Variants in GALNT18 observed in about 807,000 individuals in gnomAD.
The protein encoded by GALNT18 is polypeptide N-acetylgalactosaminyltransferase 18.
GALNT18 carries 44 observed loss-of-function variants against 69.5 expected under a neutral mutation model. The observed-to-expected ratio is 0.63, with a 90% CI of 0.50 to 0.81. GALNT18 has a LOEUF of 0.81. Among genes scored for constraint, GALNT18 ranks in the 40% least tolerant of loss-of-function variants. GALNT18 has a pLI of 0.00. For synonymous variants in GALNT18, 364 were observed against 318.2 expected (o/e 1.14, Z -1.53); for missense variants, 715 against 810.0 (o/e 0.88, Z 1.42).
intron 1 of GALNT18, among the ~76,000 whole-genome samples, chr11:11,482,695 A>T (rs545264604): frequency 5.9e-5 from 9 of 152,360 alleles, no homozygotes; most frequent in African/African-American, 1.7e-4. Flanking sequence ...AGAAGAAGAA[A>T]AAAGCAAATC....
At position 11,415,504 on chromosome 11, in the gene GALNT18, A is replaced by G. The variant is rs1854834859; in HGVS notation, c.595+17117T>C. 6.6e-6 allele frequency among the ~76,000 whole-genome samples: 1 copy of G among 152,150 alleles called. No homozygotes were observed. Among genetic ancestry groups the G allele is most frequent in the Non-Finnish European group, 1.5e-5 (1 of 68,024 alleles). ...AGGCAGTTAAAGAAATACATAAGTAAAAACAAAAAGAGTCTAGTGGGAAAT... is the reference window on the plus strand; with the variant it reads ...AGGCAGTTAAAGAAATACATAAGTAGAAACAAAAAGAGTCTAGTGGGAAAT... On this transcript the variant is annotated intron_variant, in intron 3 of 10. Transcript: ENST00000227756. This position sits in a 1 kb window ranked among gnomAD's most constrained non-coding sequence, Gnocchi z 4.1.
intron 9 of GALNT18, among the ~76,000 whole-genome samples, chr11:11,322,548 G>A (rs976184790): frequency 3.9e-5 from 6 of 152,186 alleles, no homozygotes; most frequent in Admixed American, 2.6e-4. Flanking sequence ...CCAGGTGCCC[G>A]ACTTCATTAA....
intron 1 of GALNT18, among the ~76,000 whole-genome samples, chr11:11,506,474 C>T (rs1256094089): frequency 1.3e-5 from 2 of 152,182 alleles, no homozygotes; most frequent in Non-Finnish European, 2.9e-5. Flanking sequence ...GGAAAAGCAA[C>T]TGGTGGTTCA....
At chr11:11,301,645 A>G (rs987800987) in intron 9 of GALNT18, among the ~76,000 whole-genome samples, 5 of 152,304 alleles carry the variant, frequency 3.3e-5, no homozygotes, top group Admixed American at 3.3e-4. Flanking sequence ...GGAACAAGTG[A>G]GGCTGAGCAC....
At position 11,604,010 on chromosome 11, in the gene GALNT18, C is replaced by T. The variant is rs1218419783; in HGVS notation, c.235+17349G>A. Among the ~76,000 whole-genome samples the T allele has an allele frequency of 6.6e-6, 1 of 152,094 alleles. No individual in the cohort carries two copies. The highest frequency in any genetic ancestry group is 2.4e-5 in the African/African-American group (1 of 41,414). ...GGATTACTGTTCTTATGAAAGGAACCTCAGAAAGCTGTTTTGTCTATTCTA... is the reference window on the plus strand; with the variant it reads ...GGATTACTGTTCTTATGAAAGGAACTTCAGAAAGCTGTTTTGTCTATTCTA... On this transcript the variant is annotated intron_variant, in intron 1 of 10. Coordinates refer to ENST00000227756, the MANE Select transcript of GALNT18 (RefSeq NM_198516.3). This position sits in a 1 kb window ranked among gnomAD's most constrained non-coding sequence, Gnocchi z 5.6.
At position 11,480,927 on chromosome 11, in the gene GALNT18, G is replaced by T. The variant is rs1439268262; in HGVS notation, c.236-31991C>A. Among the ~76,000 whole-genome samples, 2 of 152,164 alleles carry T rather than the reference G, an allele frequency of 1.3e-5. No homozygotes were observed. The highest frequency in any genetic ancestry group is 6.5e-5 in the Admixed American group (1 of 15,284). ...CCTCCAAGAGTGAAATGTACCTACA[G>T]CCCTGGGCAACCTCATGTGACTGGG... On this transcript the variant is annotated intron_variant, in intron 1 of 10. Transcript: ENST00000227756. This position sits in a 1 kb window ranked among gnomAD's most constrained non-coding sequence, Gnocchi z 4.6.
intron 1 of GALNT18, among the ~76,000 whole-genome samples, chr11:11,529,157 C>T (rs767303632): frequency 4.2e-4 from 64 of 152,240 alleles, no homozygotes; most frequent in Non-Finnish European, 6.8e-4. Context: ...CATGAGGTCA[C>T]CAGGTACCAG....
At chr11:11,301,742 C>T (rs1005802399) in intron 9 of GALNT18, among the ~76,000 whole-genome samples, 4 of 152,220 alleles carry the variant, frequency 2.6e-5, no homozygotes, top group Admixed American at 1.3e-4. Context: ...TTCAATTCAA[C>T]AAACACCCTC....
At chr11:11,448,976 A>G (rs370880042) in intron 1 of GALNT18, 40 bp from the exon 2 acceptor site, 7 of 1,453,524 alleles carry the variant, frequency 4.8e-6, no homozygotes, top group Middle Eastern at 1.8e-4. Flanking sequence ...GTCAGAGTGC[A>G]CCCCTGCATG....
intron 8 of GALNT18, among the ~76,000 whole-genome samples, chr11:11,330,864 T>C (rs529128384): frequency 6.6e-6 from 1 of 152,348 alleles, no homozygotes; most frequent in African/African-American, 2.4e-5. Flanking sequence ...CTGTTACTGC[T>C]TCTCCTGCCT....
At chr11:11,457,546 C>T (rs752141189) in intron 1 of GALNT18, among the ~76,000 whole-genome samples, 1 of 152,192 alleles carries the variant, frequency 6.6e-6, no homozygotes, top group Admixed American at 6.5e-5. Flanking sequence ...AGGGCTCCCC[C>T]CTCAAGGTTG....
Position 11,456,470 on chromosome 11 carries a change from C to G in GALNT18, c.236-7534G>C, listed in dbSNP as rs140528661. ...CTTCCTAGCGGTGGCAAACAGCTGC[C>G]GCCTAAAATACCTCCAGGGCCCCCC... On this transcript the variant is annotated intron_variant, in intron 1 of 10. Coordinates refer to ENST00000227756, the MANE Select transcript of GALNT18 (RefSeq NM_198516.3). 4.7e-3 allele frequency among the ~76,000 whole-genome samples: 715 copies of G among 152,248 alleles called. 5 individuals carry two copies. The highest frequency in any genetic ancestry group is 0.016 in the African/African-American group (669 of 41,548).
chr11:11,373,551 G>A (rs973365956), intron 5 of GALNT18, among the ~76,000 whole-genome samples: 1 of 152,190 alleles, frequency 6.6e-6, no homozygotes, highest in African/African-American at 2.4e-5. Flanking sequence ...TGTGACACAC[G>A]AGGAGATAGC....
At chr11:11,276,441 G>A (rs1203009759) in intron 10 of GALNT18, among the ~76,000 whole-genome samples, 4 of 152,114 alleles carry the variant, frequency 2.6e-5, no homozygotes, top group African/African-American at 9.7e-5. Flanking sequence ...GAGACAATGG[G>A]GTTTTCTAAA....
intron 1 of GALNT18, among the ~76,000 whole-genome samples, chr11:11,528,595 T>C (rs1857571427): frequency 6.6e-6 from 1 of 152,212 alleles, no homozygotes; most frequent in Non-Finnish European, 1.5e-5. Context: ...TCAGATCTTT[T>C]TGTTAACAAA....
chr11:11,598,578 C>T lies in GALNT18; in HGVS notation c.235+22781G>A, dbSNP rs973809249. Among the ~76,000 whole-genome samples the T allele has an allele frequency of 1.3e-5, 2 of 152,144 alleles. No homozygotes were observed. Among genetic ancestry groups the T allele is most frequent in the Admixed American group, 6.5e-5 (1 of 15,284 alleles). Reference sequence around the variant, plus strand: ...CAGGATAAACCCATCATCTCAAAACCTTAACTAATTCACATTTGCAAAGAG... The same window carrying T: ...CAGGATAAACCCATCATCTCAAAACTTTAACTAATTCACATTTGCAAAGAG... On this transcript the variant is annotated intron_variant, in intron 1 of 10. Transcript: ENST00000227756. The surrounding 1 kb of genome is among the most constrained non-coding windows in gnomAD (Gnocchi z 4.8).
intron 2 of GALNT18, among the ~76,000 whole-genome samples, chr11:11,445,454 G>A (rs1401528563): frequency 1.3e-5 from 2 of 152,178 alleles, no homozygotes; most frequent in Non-Finnish European, 2.9e-5. Flanking sequence ...TTGAAAAGAT[G>A]TTTCCAAAAT....
intron 9 of GALNT18, among the ~76,000 whole-genome samples, chr11:11,310,987 T>A (rs1429838018): frequency 7.2e-5 from 11 of 152,238 alleles, no homozygotes; most frequent in Admixed American, 1.3e-4. Flanking sequence ...TCCCAGAGCT[T>A]CTTTATTTAC....
chr11:11,589,984 G>T (rs564592910), intron 1 of GALNT18, among the ~76,000 whole-genome samples: 1 of 152,286 alleles, frequency 6.6e-6, no homozygotes, highest in South Asian at 2.1e-4. Context: ...CAGATCTGAG[G>T]TTACACAGAC....
Sources: gnomAD v4.1 joint callset for allele counts (sites outside exome capture counted in the v4.1 genomes callset) on GRCh38, gnomAD v4.1.1 for gene constraint, Gnocchi (gnomAD v3.1) non-coding constraint, MANE v1.5 for transcripts, NCBI Gene and HGNC (gene_info 2026-07-23, HGNC 2026-07-21) for gene names.